DAAM2: variants seen among roughly 807,000 people sequenced by gnomAD.
DAAM2 encodes the protein dishevelled associated activator of morphogenesis 2.
DAAM2 carries 39 observed loss-of-function variants against 120.7 expected under a neutral mutation model. That is an observed-to-expected ratio of 0.32 (90% confidence interval 0.25 to 0.42). The LOEUF is 0.42. Among genes scored for constraint, DAAM2 ranks in the 10% least tolerant of loss-of-function variants. DAAM2 has a pLI of 1.00. For synonymous variants in DAAM2, 488 were observed against 524.9 expected, an observed-to-expected ratio of 0.93 and a Z score of 0.96; for missense variants, 1,283 against 1,401.7, an observed-to-expected ratio of 0.92 and a Z score of 1.35.
Position 39,840,001 on chromosome 6 carries a change from C to A in DAAM2, c.-56-16246C>A, listed in dbSNP as rs138762480. ...CAGCACTTTGGGAGGCTGAGGCAGG[C>A]AGATCACTGGAGGCCAGGAGTTTGA... On this transcript the variant is annotated intron_variant, in intron 1 of 24. Transcript: ENST00000274867. Among the ~76,000 whole-genome samples, 76 of 152,138 alleles carry A rather than the reference C, an allele frequency of 5.0e-4. 1 individual carries two copies. The highest frequency in any genetic ancestry group is 1.6e-3 in the African/African-American group (68 of 41,500).
intron 11 of DAAM2, among the ~76,000 whole-genome samples, chr6:39,877,969 C>T (rs1049380270): frequency 9.2e-5 from 14 of 152,156 alleles, no homozygotes; most frequent in African/African-American, 2.4e-4. Context: ...ACAAAGGGGC[C>T]GGGTTATAGG....
Position 39,865,028 on chromosome 6 carries a change from C to G in DAAM2, c.382C>G (p.Gln128Glu). The G allele has an allele frequency of 6.2e-7, 1 of 1,607,698 alleles. No homozygotes were observed. The highest frequency in any genetic ancestry group is 1.7e-5 in the Admixed American group (1 of 59,280). The change falls in exon 5 of 25, where the codon CAA becomes GAA. Residue 128 changes from glutamine (Q) to glutamate (E), a missense_variant. Gln to Glu is a conservative substitution (Grantham distance 29, BLOSUM62 2). Around this residue, in one of 3 missense-constraint regions of DAAM2, gnomAD observed 197 missense variants for 189.3 expected, o/e 1.04. Transcript: ENST00000274867. ...TGAGGAGGAGACGGAGATGAGGAAC[C>G]AAGTCGTGGAAGACCTGAAGACAGC... ...FDEEETEMRN[Q>E]VVEDLKTALR...
At chr6:39,796,452 T>C (rs1027481806) in intron 1 of DAAM2, among the ~76,000 whole-genome samples, 4 of 151,944 alleles carry the variant, frequency 2.6e-5, no homozygotes, top group African/African-American at 9.7e-5. Context: ...TTTTGGTTTG[T>C]TTTTTGTTTC....
At chr6:39,898,242 A>T (rs1271780826) in intron 21 of DAAM2, among the ~76,000 whole-genome samples, 3 of 152,228 alleles carry the variant, frequency 2.0e-5, no homozygotes, top group African/African-American at 7.2e-5. Context: ...GGGCAATCAG[A>T]GAGCATCTCC....
rs776274033 is a variant in DAAM2 at position 39,901,823 on chromosome 6, A to G, written c.2993A>G (p.Gln998Arg). Residue 998 changes from glutamine to arginine, a missense_variant, in exon 25 of 25, where the codon CAG becomes CGG. This residue lies in a region of DAAM2 where 748 missense variants were observed against 768.6 expected (regional missense o/e 0.97). Coordinates refer to ENST00000274867, the MANE Select transcript of DAAM2 (RefSeq NM_001201427.2). The surrounding 1 kb of genome is among the most constrained non-coding windows in gnomAD (Gnocchi z 4.5). Reference sequence around the variant, plus strand: ...GCCCCCCGCCCGCAGCTGAAGGAGCAGAGGGAACGTGAGCGGTGGCAGCGG... The same window carrying G: ...GCCCCCCGCCCGCAGCTGAAGGAGCGGAGGGAACGTGAGCGGTGGCAGCGG... ...RARMEAMLKEQRERERWQRQR... is the reference protein window; with the variant it reads ...RARMEAMLKERRERERWQRQR... The G allele has an allele frequency of 6.5e-7, 1 of 1,544,228 alleles. No homozygotes were observed. Among genetic ancestry groups the G allele is most frequent in the South Asian group, 1.2e-5 (1 of 81,060 alleles).
At chr6:39,835,450 T>A (rs965479994) in intron 1 of DAAM2, among the ~76,000 whole-genome samples, 2 of 152,218 alleles carry the variant, frequency 1.3e-5, no homozygotes, top group African/African-American at 4.8e-5. Flanking sequence ...GGGGCTCTAT[T>A]TTTTCCTTAT....
At chr6:39,872,257 T>C (rs1040129700) in intron 9 of DAAM2, among the ~76,000 whole-genome samples, 1 of 152,096 alleles carries the variant, frequency 6.6e-6, no homozygotes, top group Non-Finnish European at 1.5e-5. Flanking sequence ...AAAGAATTCT[T>C]TACCAGCTAT....
At position 39,900,489 on chromosome 6, in the gene DAAM2, T is replaced by C. The variant is rs542139059; in HGVS notation, c.2811+281T>C. 5.3e-5 allele frequency among the ~76,000 whole-genome samples: 8 copies of C among 152,298 alleles called. No individual in the cohort carries two copies. In the South Asian group the frequency reaches 1.0e-3, roughly 20 times the overall value. On this transcript the variant is annotated intron_variant, in intron 23 of 24. Coordinates refer to ENST00000274867, the MANE Select transcript of DAAM2 (RefSeq NM_001201427.2). ...AAGGTTATTTCCCACTTGACAGATATGAACGCTAAAATCAGAGATGCTAAG... is the reference window on the plus strand; with the variant it reads ...AAGGTTATTTCCCACTTGACAGATACGAACGCTAAAATCAGAGATGCTAAG...
chr6:39,867,566 G>A lies in DAAM2; in HGVS notation c.485G>A (p.Arg162Gln), dbSNP rs777910962. The change falls in exon 6 of 25, where the codon CGG becomes CAG. Residue 162 changes from arginine (R) to glutamine (Q), a missense_variant. Coordinates refer to ENST00000274867, the MANE Select transcript of DAAM2 (RefSeq NM_001201427.2). The stretch of plus-strand genomic sequence containing the variant: ...TTGACCTGTCTGCTAAATTTCCTCC[G>A]GAGCATGGACCACGCCACCTGTGAG... ...EGLTCLLNFL[R>Q]SMDHATCESR... The A allele has an allele frequency of 9.3e-6, 15 of 1,614,010 alleles. No homozygotes were observed. The highest frequency in any genetic ancestry group is 1.7e-5 in the Admixed American group (1 of 60,026).
At chr6:39,886,005 T>C (rs1342169430) in intron 15 of DAAM2, 5 of 166,150 alleles carry the variant, frequency 3.0e-5, no homozygotes, top group Admixed American at 1.3e-4. Context: ...ATCGAGTTCA[T>C]TTGTGACTCC....
chr6:39,832,549 A>C (rs1371576598), intron 1 of DAAM2, among the ~76,000 whole-genome samples: 1 of 152,110 alleles, frequency 6.6e-6, no homozygotes, highest in Non-Finnish European at 1.5e-5. Context: ...ATAATGGATA[A>C]TTTTCAATGA....
intron 1 of DAAM2, among the ~76,000 whole-genome samples, chr6:39,843,623 A>G (rs1286886313): frequency 6.6e-6 from 1 of 152,236 alleles, no homozygotes; most frequent in Non-Finnish European, 1.5e-5. Context: ...AAAAGTTTCA[A>G]GATGGCAATA....
intron 9 of DAAM2, 38 bp from the exon 10 acceptor site, chr6:39,873,200 T>C (rs1254411178): frequency 7.3e-7 from 1 of 1,362,880 alleles, no homozygotes; most frequent in Admixed American, 1.8e-5. Flanking sequence ...CTTCCTCTGC[T>C]GCCTACCCAC....
intron 1 of DAAM2, among the ~76,000 whole-genome samples, chr6:39,829,038 A>G (rs1762783547): frequency 6.6e-6 from 1 of 152,266 alleles, no homozygotes; most frequent in East Asian, 1.9e-4. Context: ...AATGAATAGC[A>G]GAGATGCAAG....
intron 1 of DAAM2, among the ~76,000 whole-genome samples, chr6:39,811,858 G>C (rs1031041088): frequency 2.0e-5 from 3 of 152,130 alleles, no homozygotes; most frequent in Non-Finnish European, 2.9e-5. Context: ...TTAGACACCA[G>C]GGTTGGATGG....
At chr6:39,837,648 A>T (rs1409152833) in intron 1 of DAAM2, among the ~76,000 whole-genome samples, 2 of 135,918 alleles carry the variant, frequency 1.5e-5, no homozygotes, top group East Asian at 4.4e-4. Flanking sequence ...GGGCAACAAG[A>T]GCGAAACTCC....
Position 39,878,799 on chromosome 6 carries a change from G to A in DAAM2, c.1545+211G>A, listed in dbSNP as rs2504085. Among the ~76,000 whole-genome samples the A allele has an allele frequency of 1.3e-5, 2 of 151,932 alleles. No individual in the cohort carries two copies. The highest frequency in any genetic ancestry group is 2.9e-5 in the Non-Finnish European group (2 of 67,966). ...TGTCCCTTCCTCTGGGTGACACTGT[G>A]CCAGGAAGCACACCTTGGACAGCAG... On this transcript the variant is annotated intron_variant, in intron 13 of 24. Coordinates refer to ENST00000274867, the MANE Select transcript of DAAM2 (RefSeq NM_001201427.2). The surrounding 1 kb of genome is among the most constrained non-coding windows in gnomAD (Gnocchi z 5.0).
chr6:39,812,829 C>CT (rs1211239039), intron 1 of DAAM2, among the ~76,000 whole-genome samples: 1 of 152,172 alleles, frequency 6.6e-6, no homozygotes, highest in Non-Finnish European at 1.5e-5. Flanking sequence ...GCCAGCAATT[C>CT]ATTAGTCTTT....
In DAAM2 at chr6:39,902,257, C is replaced by G. The variant is rs570970217; in HGVS notation, c.*220C>G. On this transcript the variant is annotated 3_prime_UTR_variant, in exon 25 of 25. Coordinates refer to ENST00000274867, the MANE Select transcript of DAAM2 (RefSeq NM_001201427.2). ...TCACATGATTCCTTCTGTGCCCTGG[C>G]CCCAGGTATTATTCTGAGGCTGCCT... 34 of 451,730 alleles carry G rather than the reference C, an allele frequency of 7.5e-5. No individual in the cohort carries two copies. The South Asian group carries it at 8.3e-4, about 11-fold the overall frequency. The allele number at this position is 451,730 out of a possible 1,614,324, so 28.0% of individuals were successfully genotyped here. A position where few individuals can be genotyped will look rare whatever the true frequency, so the allele number is the denominator to read the frequency against.
Sources: gnomAD v4.1 joint callset for allele counts (sites outside exome capture counted in the v4.1 genomes callset) on GRCh38, gnomAD v4.1.1 for gene constraint, gnomAD v4.1.1 regional missense constraint, Gnocchi (gnomAD v3.1) non-coding constraint, MANE v1.5 for transcripts, NCBI Gene and HGNC (gene_info 2026-07-23, HGNC 2026-07-21) for gene names.